AUTS2: variants seen among roughly 807,000 people sequenced by gnomAD.
The protein encoded by AUTS2 is activator of transcription and developmental regulator AUTS2.
A neutral mutation model predicts 112.4 loss-of-function variants in AUTS2; 17 were observed. The observed-to-expected ratio is 0.15, with a 90% CI of 0.10 to 0.23. AUTS2 has a LOEUF of 0.23. Among genes scored for constraint, AUTS2 ranks in the 10% least tolerant of loss-of-function variants. AUTS2 has a pLI of 1.00. For synonymous variants in AUTS2, 751 were observed against 702.7 expected, an observed-to-expected ratio of 1.07 and a Z score of -1.09; for missense variants, 1,510 against 1,701.6, an observed-to-expected ratio of 0.89 and a Z score of 1.98.
intron 1 of AUTS2, among the ~76,000 whole-genome samples, chr7:69,735,044 C>A (rs941498540): frequency 6.6e-6 from 1 of 152,206 alleles, no homozygotes; most frequent in Admixed American, 6.5e-5. Flanking sequence ...AACTCTATTG[C>A]ATCCTCCAGA....
At chr7:69,645,037 T>C (rs1288567387) in intron 1 of AUTS2, among the ~76,000 whole-genome samples, 1 of 151,256 alleles carries the variant, frequency 6.6e-6, no homozygotes, top group East Asian at 1.9e-4. Flanking sequence ...GCTACCTGAG[T>C]AGCGGAGACT....
intron 5 of AUTS2, among the ~76,000 whole-genome samples, chr7:70,605,790 A>T (rs1056142262): frequency 6.6e-5 from 10 of 152,186 alleles, no homozygotes; most frequent in Admixed American, 5.9e-4. Context: ...AGACCAGAGT[A>T]GTCTTTGGTA....
At chr7:70,470,556 T>C (rs1332181996) in intron 5 of AUTS2, among the ~76,000 whole-genome samples, 3 of 152,218 alleles carry the variant, frequency 2.0e-5, no homozygotes, top group African/African-American at 4.8e-5. Flanking sequence ...AAACATGGAC[T>C]GGGCCCACGC....
intron 6 of AUTS2, among the ~76,000 whole-genome samples, chr7:70,701,927 T>C (rs73182132): frequency 0.066 from 10,059 of 152,210 alleles, 433 homozygotes; most frequent in Non-Finnish European, 0.1. Flanking sequence ...CCCTATTTAG[T>C]TGATTGAAAT....
chr7:69,801,672 T>TTTATTCATTCATTCATTTATTCA (rs1790089741), intron 1 of AUTS2, among the ~76,000 whole-genome samples: 1 of 152,194 alleles, frequency 6.6e-6, no homozygotes, highest in Non-Finnish European at 1.5e-5. Flanking sequence ...CATTTGTTCA[T>TTTATTCATTCATTCATTTATTCA]TTATTCATTC....
chr7:70,767,941 G>A (rs572737248), intron 9 of AUTS2, 83 bp from the exon 10 acceptor site: 221 of 1,370,024 alleles, frequency 1.6e-4, no homozygotes, highest in Middle Eastern at 5.3e-4. Flanking sequence ...TAATGACAGG[G>A]AAGCTTTGTA....
At chr7:69,807,530 C>T (rs1263374806) in intron 1 of AUTS2, among the ~76,000 whole-genome samples, 2 of 152,108 alleles carry the variant, frequency 1.3e-5, no homozygotes, top group African/African-American at 4.8e-5. Flanking sequence ...GGTCATTGCT[C>T]TTCCTTAGAG....
intron 5 of AUTS2, among the ~76,000 whole-genome samples, chr7:70,577,690 T>C (rs1326956121): frequency 6.6e-6 from 1 of 152,226 alleles, no homozygotes; most frequent in Admixed American, 6.5e-5. Context: ...GAACATACCA[T>C]GTGTTTTGTC....
At chr7:70,190,283 C>T (rs1809814105) in intron 4 of AUTS2, among the ~76,000 whole-genome samples, 1 of 151,976 alleles carries the variant, frequency 6.6e-6, no homozygotes, top group South Asian at 2.1e-4. Context: ...TTTTATTTTG[C>T]CAAGATAGAT....
At position 70,766,146 on chromosome 7, in the gene AUTS2, C is replaced by A; in HGVS notation, c.1501C>A (p.Arg501Ser). The A allele has an allele frequency of 6.2e-7, 1 of 1,614,192 alleles. No homozygotes were observed. The highest frequency in any genetic ancestry group is 8.5e-7 in the Non-Finnish European group (1 of 1,180,024). Reference protein sequence around the residue: ...QDILRQELNTRFLASQSADRG... With the variant: ...QDILRQELNTSFLASQSADRG... ...CATCTTGCGACAGGAACTGAACACTCGTTTTTTGGCCTCTCAGAGTGCTGA... is the reference window on the plus strand; with the variant it reads ...CATCTTGCGACAGGAACTGAACACTAGTTTTTTGGCCTCTCAGAGTGCTGA... The change falls in exon 9 of 19, where the codon CGT (arginine) becomes AGT (serine). Residue 501 changes from arginine (R) to serine (S), a missense_variant. By Grantham distance (110) the Arg-to-Ser change is moderately radical (BLOSUM62 -1). This residue lies in a region of AUTS2 where 187 missense variants were observed against 309.7 expected (regional missense o/e 0.60). Coordinates refer to ENST00000342771, the MANE Select transcript of AUTS2 (RefSeq NM_015570.4). This position sits in a 1 kb window ranked among gnomAD's most constrained non-coding sequence, Gnocchi z 4.8.
chr7:70,689,543 G>A (rs1273767190), intron 5 of AUTS2, among the ~76,000 whole-genome samples: 1 of 152,064 alleles, frequency 6.6e-6, no homozygotes. Flanking sequence ...TTGGGAGGCT[G>A]AGGCGGGCAG....
intron 1 of AUTS2, among the ~76,000 whole-genome samples, chr7:69,882,845 C>G (rs1173883954): frequency 1.3e-5 from 2 of 152,150 alleles, no homozygotes; most frequent in Non-Finnish European, 2.9e-5. Context: ...GAATAGATCC[C>G]ACCATTGTTC....
intron 1 of AUTS2, among the ~76,000 whole-genome samples, chr7:69,826,370 G>C (rs966626909): frequency 6.6e-6 from 1 of 152,156 alleles, no homozygotes; most frequent in Non-Finnish European, 1.5e-5. Context: ...TGATAGACCT[G>C]GGCCTTGAAT....
rs1486998758 is a variant in AUTS2 at position 69,901,315 on chromosome 7, A to C, written c.522+1817A>C. ...CCCCCGCCCCAGCAGGGTAAGAAGGAAGCCTTCTTACTCTGAGTTAACACC... is the reference window on the plus strand; with the variant it reads ...CCCCCGCCCCAGCAGGGTAAGAAGGCAGCCTTCTTACTCTGAGTTAACACC... On this transcript the variant is annotated intron_variant, in intron 2 of 18. Coordinates refer to ENST00000342771, the MANE Select transcript of AUTS2 (RefSeq NM_015570.4). Among the ~76,000 whole-genome samples the C allele has an allele frequency of 2.0e-5, 3 of 151,784 alleles. No homozygotes were observed. In the East Asian group the frequency reaches 5.8e-4, roughly 30 times the overall value.
At chr7:70,003,202 ATATATGAATATATT>A (rs1563029253) in intron 2 of AUTS2, among the ~76,000 whole-genome samples, 23 of 134,124 alleles carry the variant, frequency 1.7e-4, no homozygotes, top group African/African-American at 6.2e-4. Context: ...TGAATATATT[ATATATGAATATATT>A]ATATATGAAT....
chr7:70,308,059 A>T (rs1373930794), intron 4 of AUTS2, among the ~76,000 whole-genome samples: 5 of 152,202 alleles, frequency 3.3e-5, no homozygotes, highest in African/African-American at 1.2e-4. Flanking sequence ...TTCAATGAAT[A>T]TTTGTTGACA....
At chr7:70,017,106 T>A (rs1454496078) in intron 2 of AUTS2, among the ~76,000 whole-genome samples, 1 of 152,230 alleles carries the variant, frequency 6.6e-6, no homozygotes, top group Non-Finnish European at 1.5e-5. Context: ...TTTCTAAATA[T>A]TTGGCATTAG....
chr7:70,781,752 C>G lies in AUTS2; in HGVS notation c.2142C>G (p.Ala714=), dbSNP rs368064004. 1.2e-6 allele frequency: 2 copies of G among 1,613,866 alleles called. No individual in the cohort carries two copies. The highest frequency in any genetic ancestry group is 1.7e-6 in the Non-Finnish European group (2 of 1,179,912). ...CACGGCCTTCAACTTTGTTCTCTGC[C>G]GCTGGTGAGTGTGGGTTTGGGTGGG... ...DLARPSTLFS[A]AGAAHPTGTP... The change falls in exon 15 of 19, where the codon GCC becomes GCG. Residue 714 remains alanine, a synonymous_variant. Coordinates refer to ENST00000342771, the MANE Select transcript of AUTS2 (RefSeq NM_015570.4).
rs893971484 is a variant in AUTS2 at position 70,741,832 on chromosome 7, T to G, written c.743-21038T>G. On this transcript the variant is annotated intron_variant, in intron 6 of 18. Transcript: ENST00000342771. ...TTATAGTGGCGTGGTGGAAGGAGGA[T>G]TATCTGAACTTGGAAAGAAGGTTGT... Among the ~76,000 whole-genome samples, 9 of 151,956 alleles carry G rather than the reference T, an allele frequency of 5.9e-5. No homozygotes were observed. The East Asian group carries it at 1.7e-3, about 29-fold the overall frequency.
Sources: allele counts gnomAD v4.1 joint callset (sites outside exome capture counted in the v4.1 genomes callset), GRCh38; gene constraint gnomAD v4.1.1; regional missense constraint gnomAD v4.1.1; non-coding constraint Gnocchi (gnomAD v3.1); transcripts MANE v1.5; gene names NCBI Gene and HGNC (gene_info 2026-07-23, HGNC 2026-07-21).